The following PCNT variants were observed in gnomAD, a reference collection of about 807,000 sequenced individuals.
PCNT encodes the protein kendrin.
PCNT carries 319 observed loss-of-function variants against 380.4 expected under a neutral mutation model. That is an observed-to-expected ratio of 0.84 (90% CI 0.77 to 0.92). The LOEUF (loss-of-function observed/expected upper bound fraction) is 0.92. Ranked by LOEUF, PCNT falls within the 40% of genes least tolerant of loss-of-function variation. The pLI, the probability that PCNT is intolerant of heterozygous loss-of-function variation, is 0.00. For missense variants in PCNT, 4,400 were observed against 4,255.3 expected, an observed-to-expected ratio of 1.03 and a Z score of -0.95; for synonymous variants, 1,845 against 1,735.2, an observed-to-expected ratio of 1.06 and a Z score of -1.57.
At position 46,444,763 on chromosome 21, in the gene PCNT, GA is replaced by G. The variant is rs753328508; in HGVS notation, c.9910del (p.Thr3304GlnfsTer7). ...CTTCTCAAGATCCAGAACATTCCTT[GA>G]CAGAGTATATTCACCATTTAGAAGT... ...TASQDPEHSL[T>X]EYIHHLEVIQ... On this transcript the variant is annotated frameshift_variant, in exon 46 of 47. Coordinates refer to ENST00000359568, the MANE Select transcript of PCNT (RefSeq NM_006031.6). LOFTEE classifies it high-confidence loss of function. The G allele has an allele frequency of 7.4e-6, 12 of 1,612,872 alleles. No homozygotes were observed. The South Asian group carries it at 1.2e-4, about 16-fold the overall frequency.
rs1160531834 is a variant in PCNT, at chr21:46,425,381, A to T, written c.7180-450A>T. The stretch of plus-strand genomic sequence containing the variant: ...GGTCGGCACTGGCCTCAGCCGGACC[A>T]CGCACAGAGGCCTCCTGGGTGGCCA... On this transcript the variant is annotated intron_variant, in intron 32 of 46. Coordinates refer to ENST00000359568, the MANE Select transcript of PCNT (RefSeq NM_006031.6). The surrounding 1 kb of genome is among the most constrained non-coding windows in gnomAD (Gnocchi z 4.2). Among the ~76,000 whole-genome samples, 1 of 152,338 alleles carries T rather than the reference A, an allele frequency of 6.6e-6. No individual in the cohort carries two copies. The highest frequency in any genetic ancestry group is 1.9e-4 in the East Asian group (1 of 5,182).
chr21:46,429,326 G>T (rs1286901665), intron 35 of PCNT, among the ~76,000 whole-genome samples: 3 of 98,400 alleles, frequency 3.0e-5, no homozygotes, highest in Middle Eastern at 4.2e-3. Context: ...CTCGTGAGAG[G>T]CATGGGGGGG....
Position 46,374,002 on chromosome 21 carries a change from A to G in PCNT, c.3165+6863A>G, listed in dbSNP as rs2085249411. On this transcript the variant is annotated intron_variant, in intron 15 of 46. Coordinates refer to ENST00000359568, the MANE Select transcript of PCNT (RefSeq NM_006031.6). ...CTTGGCCTCCCAAAGTGCTGGGATT[A>G]CAGGCGTGAGCCACTGCGCCCGGCC... Among the ~76,000 whole-genome samples the G allele has an allele frequency of 2.0e-5, 3 of 152,192 alleles. 1 individual carries two copies.
At chr21:46,352,239 A>G (rs947201077) in intron 9 of PCNT, among the ~76,000 whole-genome samples, 11 of 152,250 alleles carry the variant, frequency 7.2e-5, no homozygotes, top group Admixed American at 3.3e-4. Flanking sequence ...AGCAAAGAGC[A>G]CTTAGGAGAA....
At chr21:46,381,174 CAAAA>C (rs34108721) in intron 15 of PCNT, among the ~76,000 whole-genome samples, 19 of 96,000 alleles carry the variant, frequency 2.0e-4, no homozygotes, top group African/African-American at 6.2e-4. Context: ...AGAGTCCTTC[CAAAA>C]AAAAAAAAAA....
chr21:46,429,149 G>A (rs2087634130), intron 35 of PCNT, among the ~76,000 whole-genome samples: 1 of 152,162 alleles, frequency 6.6e-6, no homozygotes, highest in African/African-American at 2.4e-5. Context: ...CAAGGGGAAC[G>A]GCCTTGCAGT....
intron 13 of PCNT, among the ~76,000 whole-genome samples, chr21:46,362,284 G>A (rs957187729): frequency 2.0e-5 from 3 of 152,212 alleles, no homozygotes; most frequent in African/African-American, 4.8e-5. Flanking sequence ...CTGGCTCAGT[G>A]AGGGATTTGG....
intron 33 of PCNT, among the ~76,000 whole-genome samples, chr21:46,426,493 G>A (rs1339027907): frequency 6.6e-6 from 1 of 152,244 alleles, no homozygotes; most frequent in Non-Finnish European, 1.5e-5. Context: ...TGTGCCCTGT[G>A]TGAGCCTGCG....
rs1244061970 is a variant in PCNT, at chr21:46,381,745, C to T, written c.3217C>T (p.Leu1073Phe). The change falls in exon 16 of 47, where the codon CTT becomes TTT. Residue 1073 changes from leucine to phenylalanine, a missense_variant. Coordinates refer to ENST00000359568, the MANE Select transcript of PCNT (RefSeq NM_006031.6). ...KTALHEKEET[L>F]RLQSAQAQPF... ...TGCTTTGCATGAAAAAGAGGAGACA[C>T]TTCGGCTTCAGAGTGCACAGGCACA... 1 of 1,614,050 alleles carries T rather than the reference C, an allele frequency of 6.2e-7. No individual in the cohort carries two copies. The highest frequency in any genetic ancestry group is 2.2e-5 in the East Asian group (1 of 44,892).
At chr21:46,399,425 G>A (rs1004341837) in intron 24 of PCNT, among the ~76,000 whole-genome samples, 165 bp from the exon 25 acceptor site, 3 of 147,292 alleles carry the variant, frequency 2.0e-5, no homozygotes, top group East Asian at 2.0e-4. Context: ...CAGTCTTTGC[G>A]TCTGGGTCTC....
rs1047461346 is a variant in PCNT at position 46,443,704 on chromosome 21, C to G, written c.9701-106C>G. ...TTAAAAATGTCTTAAAATTGCCATA[C>G]AGGCTCTTAAAAGCTTATACGTTTA... is the stretch of plus-strand genomic sequence containing the variant. On this transcript the variant is annotated intron_variant, in intron 44 of 46. Coordinates refer to ENST00000359568, the MANE Select transcript of PCNT (RefSeq NM_006031.6). 5.1e-5 allele frequency: 55 copies of G among 1,074,094 alleles called. 1 individual carries two copies. The highest frequency in any genetic ancestry group is 3.6e-4 in the South Asian group (29 of 79,814). The allele number at this position is 1,074,094 out of a possible 1,614,324, so 66.5% of individuals were successfully genotyped here. A position where few individuals can be genotyped will look rare whatever the true frequency, so the allele number is the denominator to read the frequency against.
chr21:46,384,594 A>C (rs1171724139), intron 16 of PCNT, among the ~76,000 whole-genome samples: 1 of 139,818 alleles, frequency 7.2e-6, no homozygotes, highest in Non-Finnish European at 1.6e-5. Flanking sequence ...GCCCATTCAC[A>C]GTGCTGTACA....
chr21:46,390,569 G>A (rs1345170221), intron 19 of PCNT, 101 bp from the exon 20 acceptor site: 10 of 1,313,800 alleles, frequency 7.6e-6, no homozygotes, highest in African/African-American at 2.9e-5. Context: ...GGGTGGTGAC[G>A]GCCTGAAGGG....
Position 46,444,798 on chromosome 21 carries a change from A to G in PCNT, c.9944A>G (p.Gln3315Arg), listed in dbSNP as rs2031781567. Residue 3315 changes from glutamine (Q) to arginine (R), a missense_variant, in exon 46 of 47, where the codon CAA (glutamine) becomes CGA (arginine). By Grantham distance (43) the Gln-to-Arg change is conservative. Coordinates refer to ENST00000359568, the MANE Select transcript of PCNT (RefSeq NM_006031.6). ...EYIHHLEVIQ[Q>R]RLGGVLPDST... Reference sequence around the variant, plus strand: ...ATTCACCATTTAGAAGTGATCCAGCAAAGATTGGGAGGGGTACTACCAGGT... The same window carrying G: ...ATTCACCATTTAGAAGTGATCCAGCGAAGATTGGGAGGGGTACTACCAGGT... 1 of 1,613,706 alleles carries G rather than the reference A, an allele frequency of 6.2e-7. No homozygotes were observed. Among genetic ancestry groups the G allele is most frequent in the African/African-American group, 1.3e-5 (1 of 75,032 alleles).
intron 38 of PCNT, among the ~76,000 whole-genome samples, 192 bp downstream of exon 38, chr21:46,432,407 G>C (rs1239142008): frequency 1.3e-5 from 2 of 152,256 alleles, no homozygotes; most frequent in African/African-American, 2.4e-5. Context: ...CAGGAAGTGT[G>C]AGTTCTCCAA....
At chr21:46,427,019 G>A (rs2087537908) in intron 33 of PCNT, among the ~76,000 whole-genome samples, 1 of 152,166 alleles carries the variant, frequency 6.6e-6, no homozygotes, top group African/African-American at 2.4e-5. Flanking sequence ...AGCCTGGCTG[G>A]CATTCAGGAG....
Position 46,416,308 on chromosome 21 carries a change from T to C in PCNT, c.6390T>C (p.Asp2130=), listed in dbSNP as rs1179241242. ...PDISPHIDTC[D]ANTATGGVTD... ...TATCACCCCACATAGACACATGTGA[T>C]GCCAATACAGCCACGGGGGGTGTAA... Residue 2130 remains aspartate (D), a synonymous_variant, in exon 30 of 47, where the codon GAT becomes GAC. Transcript: ENST00000359568. 10 of 1,613,808 alleles carry C rather than the reference T, an allele frequency of 6.2e-6. No homozygotes were observed. The highest frequency in any genetic ancestry group is 1.7e-5 in the Admixed American group (1 of 60,008).
chr21:46,402,007 C>G (rs2147498728), intron 26 of PCNT, among the ~76,000 whole-genome samples: 1 of 152,290 alleles, frequency 6.6e-6, no homozygotes, highest in South Asian at 2.1e-4. Context: ...CACCCACCGC[C>G]ACGCCCGGCT....
In PCNT at chr21:46,363,818, C is replaced by T. The variant is rs376057743; in HGVS notation, c.2493C>T (p.Asp831=). Residue 831 remains aspartate (D), a synonymous_variant, in exon 14 of 47, where the codon GAC becomes GAT. Transcript: ENST00000359568. ...AGCTGGAACAGGACCTCACTTCAGA[C>T]GACGCCCTGCATTGCAGCCAGTGTG... is the stretch of plus-strand genomic sequence containing the variant. The part of the protein sequence containing the change: ...LQQLEQDLTS[D]DALHCSQCGR... The T allele has an allele frequency of 3.1e-6, 5 of 1,612,580 alleles. No individual in the cohort carries two copies. The highest frequency in any genetic ancestry group is 1.7e-4 in the Middle Eastern group (1 of 6,056).
Sources: allele counts gnomAD v4.1 joint callset (sites outside exome capture counted in the v4.1 genomes callset), GRCh38; gene constraint gnomAD v4.1.1; non-coding constraint Gnocchi (gnomAD v3.1); transcripts MANE v1.5; gene names NCBI Gene and HGNC (gene_info 2026-07-23, HGNC 2026-07-21).